Variants in GNG7 observed in about 807,000 individuals in gnomAD.
The protein encoded by GNG7 is G protein subunit gamma 7, also known as guanine nucleotide-binding protein G(I)/G(S)/G(O) subunit gamma-7.
GNG7 carries 1 observed loss-of-function variant against 4.0 expected under a neutral mutation model. That is an observed-to-expected ratio of 0.25 (90% CI 0.09 to 1.18). The LOEUF (loss-of-function observed/expected upper bound fraction) is 1.18. Ranked by LOEUF, GNG7 falls within the 50% of genes most tolerant of loss-of-function variation. The pLI is 0.50. For missense variants in GNG7, 86 were observed against 91.9 expected (o/e 0.94, Z 0.26); for synonymous variants, 34 against 36.9 (o/e 0.92, Z 0.29).
intron 2 of GNG7, among the ~76,000 whole-genome samples, chr19:2,580,286 A>ATTT (rs5826774): frequency 6.7e-5 from 9 of 133,620 alleles, no homozygotes; most frequent in Non-Finnish European, 1.0e-4. Flanking sequence ...GTCTGGTTCT[A>ATTT]TTTTTTTTTT....
In GNG7 at chr19:2,633,485, GCGCACACACACACACACACA is replaced by G. The variant is rs1254035285; in HGVS notation, c.-78+12719_-78+12738del. The stretch of plus-strand genomic sequence containing the variant: ...CTTAGCAACAGGCGCGCGCGCGCGC[GCGCACACACACACACACACA>G]CACACACACACACACACACGAGAGG... On this transcript the variant is annotated intron_variant, in intron 2 of 4. Transcript: ENST00000382159. The surrounding 1 kb of genome is among the most constrained non-coding windows in gnomAD (Gnocchi z 5.9). Among the ~76,000 whole-genome samples, 1 of 131,914 alleles carries G rather than the reference GCGCACACACACACACACACA, an allele frequency of 7.6e-6. No individual in the cohort carries two copies. The highest frequency in any genetic ancestry group is 3.0e-5 in the African/African-American group (1 of 33,514). 86.5% of individuals were successfully genotyped at this position (131,914 alleles called of 152,430 possible).
intron 2 of GNG7, among the ~76,000 whole-genome samples, chr19:2,560,846 A>G (rs556691239): frequency 1.3e-5 from 2 of 151,372 alleles, no homozygotes; most frequent in South Asian, 4.2e-4. Context: ...AATCCCAGGT[A>G]CTCAGGAGGC....
intron 2 of GNG7, among the ~76,000 whole-genome samples, chr19:2,574,829 G>A (rs976289042): frequency 3.9e-5 from 6 of 152,288 alleles, no homozygotes; most frequent in African/African-American, 7.2e-5. Context: ...CACCAGCCAC[G>A]CACGAGGGTC....
At chr19:2,701,386 TCC>T (rs1165037769) in intron 1 of GNG7, 1 of 128,238 alleles carries the variant, frequency 7.8e-6, no homozygotes, top group Non-Finnish European at 1.7e-5. Context: ...TACCCCCACC[TCC>T]CTTCTCACTA....
At position 2,653,757 on chromosome 19, in the gene GNG7, T is replaced by G. The variant is rs990645246; in HGVS notation, c.-134-7477A>C. ...CTCTGGCCTCCCCTGTCCTCATCCT[T>G]ATGGGATCTTCAGATGGTGCCCTTG... On this transcript the variant is annotated intron_variant, in intron 1 of 4. Coordinates refer to ENST00000382159, the MANE Select transcript of GNG7 (RefSeq NM_052847.3). The surrounding 1 kb of genome is among the most constrained non-coding windows in gnomAD (Gnocchi z 4.8). 1.3e-5 allele frequency among the ~76,000 whole-genome samples: 2 copies of G among 152,136 alleles called. No homozygotes were observed. Among genetic ancestry groups the G allele is most frequent in the African/African-American group, 4.8e-5 (2 of 41,446 alleles).
intron 2 of GNG7, chr19:2,642,936 G>C (rs776937686): frequency 6.9e-6 from 3 of 432,556 alleles, no homozygotes; most frequent in East Asian, 7.7e-5. Flanking sequence ...AGACCTCTCC[G>C]GGCTCTGCAC....
chr19:2,567,331 T>TTGTGTGTGTGTGTG lies in GNG7; in HGVS notation c.-77-12157_-77-12144dup, dbSNP rs3221748. Reference sequence around the variant, plus strand: ...TTATTTCTTCTCAGTTGTCGTCGATTTGTGTGTGTGTGTGTGTGTGACATA... The same window carrying TTGTGTGTGTGTGTG: ...TTATTTCTTCTCAGTTGTCGTCGATTTGTGTGTGTGTGTGTGTGTGTGTGTGTGTGTGTGACATA... On this transcript the variant is annotated intron_variant, in intron 2 of 4. Transcript: ENST00000382159. Among the ~76,000 whole-genome samples, 660 of 137,236 alleles carry TTGTGTGTGTGTGTG rather than the reference T, an allele frequency of 4.8e-3. 3 individuals carry two copies. The highest frequency in any genetic ancestry group is 0.017 in the Middle Eastern group (5 of 290). 90.0% of individuals were successfully genotyped at this position (137,236 alleles called of 152,430 possible). A position where few individuals can be genotyped will look rare whatever the true frequency, so the allele number is the denominator to read the frequency against.
chr19:2,614,667 C>T lies in GNG7; in HGVS notation c.-78+31557G>A, dbSNP rs574157531. On this transcript the variant is annotated intron_variant, in intron 2 of 4. Transcript: ENST00000382159. The surrounding 1 kb of genome is among the most constrained non-coding windows in gnomAD (Gnocchi z 6.0). The stretch of plus-strand genomic sequence containing the variant: ...TCTCGTTCCAGTGTGTGGAGGGCCA[C>T]GCTGTTTATCTATTTACCCACGGAC... 2.6e-5 allele frequency among the ~76,000 whole-genome samples: 4 copies of T among 152,314 alleles called. No homozygotes were observed. In the South Asian group the frequency reaches 8.3e-4, roughly 32 times the overall value.
intron 2 of GNG7, among the ~76,000 whole-genome samples, chr19:2,559,351 C>CTT (rs551861647): frequency 3.1e-5 from 4 of 130,256 alleles, no homozygotes; most frequent in East Asian, 2.2e-4. Flanking sequence ...TTCTGTGTGT[C>CTT]TTTTTTTTTT....
intron 1 of GNG7, among the ~76,000 whole-genome samples, chr19:2,683,238 CAA>C (rs113884625): frequency 3.5e-5 from 5 of 144,768 alleles, no homozygotes; most frequent in East Asian, 2.0e-4. Flanking sequence ...GACTCCGTCT[CAA>C]AAAAAAAAAA....
intron 3 of GNG7, among the ~76,000 whole-genome samples, chr19:2,549,077 CA>C (rs11342023): frequency 0.082 from 12,493 of 152,092 alleles, 613 homozygotes; most frequent in South Asian, 0.17. Flanking sequence ...CCAGGGGGGA[CA>C]CTAGGTCTGG....
Position 2,696,292 on chromosome 19 carries a change from G to GAAAGAA in GNG7, c.-135+6353_-135+6354insTTCTTT, listed in dbSNP as rs1555705039. Among the ~76,000 whole-genome samples, 348 of 108,610 alleles carry GAAAGAA rather than the reference G, an allele frequency of 3.2e-3. 1 individual carries two copies. Among genetic ancestry groups the GAAAGAA allele is most frequent in the Admixed American group, 5.7e-3 (54 of 9,552 alleles). 71.3% of individuals were successfully genotyped at this position (108,610 alleles called of 152,430 possible). A position where few individuals can be genotyped will look rare whatever the true frequency, so the allele number is the denominator to read the frequency against. ...AAGGAGAGAAAGAAAAAGAGAGAGA[G>GAAAGAA]AGAAAGAAAGAAAGAAAGAAAGAAA... On this transcript the variant is annotated intron_variant, in intron 1 of 4. Coordinates refer to ENST00000382159, the MANE Select transcript of GNG7 (RefSeq NM_052847.3).
chr19:2,511,984 G>A lies in GNG7; in HGVS notation c.*3038C>T, dbSNP rs943050423. 1 of 985,800 alleles carries A rather than the reference G, an allele frequency of 1.0e-6. No individual in the cohort carries two copies. The highest frequency in any genetic ancestry group is 1.2e-6 in the Non-Finnish European group (1 of 829,972). 61.1% of individuals were successfully genotyped at this position (985,800 alleles called of 1,614,324 possible). On this transcript the variant is annotated 3_prime_UTR_variant, in exon 5 of 5. Transcript: ENST00000382159. The surrounding 1 kb of genome is among the most constrained non-coding windows in gnomAD (Gnocchi z 6.3). The stretch of plus-strand genomic sequence containing the variant: ...CTGGCCCGCTGTGGCCCTTCACCTG[G>A]CTACTGGTGTCTCGCTCAGCAGCGG...
intron 1 of GNG7, among the ~76,000 whole-genome samples, chr19:2,669,865 C>T (rs2144887412): frequency 6.6e-6 from 1 of 152,018 alleles, no homozygotes; most frequent in South Asian, 2.1e-4. Flanking sequence ...CAAAAATTAG[C>T]CAGGCGTGGT....
At chr19:2,531,986 C>T (rs1978606188) in intron 3 of GNG7, among the ~76,000 whole-genome samples, 1 of 151,908 alleles carries the variant, frequency 6.6e-6, no homozygotes, top group Non-Finnish European at 1.5e-5. Flanking sequence ...CCCGTCTCTA[C>T]TAAAAACACA....
At chr19:2,664,515 G>T (rs1489372405) in intron 1 of GNG7, among the ~76,000 whole-genome samples, 1 of 151,978 alleles carries the variant, frequency 6.6e-6, no homozygotes, top group Admixed American at 6.6e-5. Flanking sequence ...GAACAAAGGG[G>T]CAGGCCTGCT....
chr19:2,643,020 C>T (rs1280408692), intron 2 of GNG7: 3 of 454,176 alleles, frequency 6.6e-6, no homozygotes, highest in Non-Finnish European at 1.3e-5. Flanking sequence ...CCTTCCCGCC[C>T]TGCACCATGT....
intron 2 of GNG7, among the ~76,000 whole-genome samples, chr19:2,594,109 G>C (rs897999272): frequency 6.6e-6 from 1 of 152,024 alleles, no homozygotes; most frequent in Admixed American, 6.6e-5. Context: ...AGTGGCTCAC[G>C]CCTGTAATCC....
At chr19:2,540,857 C>A (rs1224269638) in intron 3 of GNG7, among the ~76,000 whole-genome samples, 2 of 152,182 alleles carry the variant, frequency 1.3e-5, no homozygotes, top group African/African-American at 2.4e-5. Context: ...GAGAGGCTGG[C>A]GGTGGCTCTG....
Sources: allele counts gnomAD v4.1 joint callset (sites outside exome capture counted in the v4.1 genomes callset), GRCh38; gene constraint gnomAD v4.1.1; non-coding constraint Gnocchi (gnomAD v3.1); transcripts MANE v1.5; gene names NCBI Gene and HGNC (gene_info 2026-07-23, HGNC 2026-07-21).